AGBL4: variants seen among roughly 807,000 people sequenced by gnomAD.
AGBL4 encodes the protein AGBL carboxypeptidase 4.
A neutral mutation model predicts 66.4 loss-of-function variants in AGBL4; 58 were observed. That is an observed-to-expected ratio of 0.87 (90% CI 0.71 to 1.09). The LOEUF is 1.09. AGBL4 is among the 50% of genes least tolerant of loss of function. The pLI, the probability that AGBL4 is intolerant of heterozygous loss-of-function variation, is 0.00. For synonymous variants in AGBL4, 234 were observed against 222.9 expected (o/e 1.05, Z -0.44); for missense variants, 579 against 631.0 (o/e 0.92, Z 0.88).
chr1:49,404,384 A>C (rs2148616485), intron 3 of AGBL4, among the ~76,000 whole-genome samples: 1 of 152,280 alleles, frequency 6.6e-6, no homozygotes. Context: ...ATTTGCCACT[A>C]TCTTGATCAT....
At chr1:48,832,753 C>A (rs1286786338) in intron 6 of AGBL4, among the ~76,000 whole-genome samples, 1 of 152,094 alleles carries the variant, frequency 6.6e-6, no homozygotes, top group Non-Finnish European at 1.5e-5. Context: ...TGTGGGTGAG[C>A]CTCATTCAAT....
intron 7 of AGBL4, 71 bp downstream of exon 7, chr1:48,663,081 C>G (rs1646132887): frequency 3.4e-6 from 5 of 1,454,286 alleles, no homozygotes; most frequent in Middle Eastern, 1.7e-4. Context: ...TGTGGCCACA[C>G]TGTTCCAGAG....
intron 1 of AGBL4, among the ~76,000 whole-genome samples, chr1:49,973,194 T>G (rs1658276412): frequency 6.6e-6 from 1 of 152,132 alleles, no homozygotes; most frequent in African/African-American, 2.4e-5. Context: ...GGTTTTGCCC[T>G]TACTCACCCC....
chr1:48,806,094 G>A (rs1044263059), intron 6 of AGBL4, among the ~76,000 whole-genome samples: 4 of 151,944 alleles, frequency 2.6e-5, no homozygotes, highest in Admixed American at 1.3e-4. Flanking sequence ...TGCAATATTC[G>A]GTTCAGCAAG....
chr1:49,662,511 A>G (rs899968449), intron 3 of AGBL4, among the ~76,000 whole-genome samples: 1 of 152,074 alleles, frequency 6.6e-6, no homozygotes, highest in African/African-American at 2.4e-5. Flanking sequence ...TATACAGTGG[A>G]AAATGAAATG....
At chr1:49,101,380 G>A (rs947133793) in intron 4 of AGBL4, among the ~76,000 whole-genome samples, 1 of 152,042 alleles carries the variant, frequency 6.6e-6, no homozygotes, top group Admixed American at 6.6e-5. Context: ...TAGAGGCAAG[G>A]TTTCGCCATG....
intron 6 of AGBL4, among the ~76,000 whole-genome samples, chr1:48,781,131 A>C (rs768785275): frequency 2.0e-5 from 3 of 152,168 alleles, no homozygotes; most frequent in Non-Finnish European, 4.4e-5. Flanking sequence ...TGTCACTGTA[A>C]ATCATTCCTA....
intron 6 of AGBL4, among the ~76,000 whole-genome samples, chr1:48,683,889 C>T (rs1026662951): frequency 3.9e-5 from 6 of 152,322 alleles, no homozygotes; most frequent in African/African-American, 1.2e-4. Context: ...ATGAGGAAGA[C>T]GGCCTAAGTC....
At chr1:49,888,015 T>C (rs1448734027) in intron 1 of AGBL4, among the ~76,000 whole-genome samples, 1 of 152,178 alleles carries the variant, frequency 6.6e-6, no homozygotes, top group Non-Finnish European at 1.5e-5. Flanking sequence ...AATAAGTGTT[T>C]GTTACATAAT....
At chr1:49,450,712 T>C (rs1646260465) in intron 3 of AGBL4, among the ~76,000 whole-genome samples, 1 of 152,078 alleles carries the variant, frequency 6.6e-6, no homozygotes, top group Admixed American at 6.6e-5. Context: ...TCAATTCTTT[T>C]AGGAGAAAGA....
chr1:49,902,060 A>C (rs1293613807), intron 1 of AGBL4, among the ~76,000 whole-genome samples: 1 of 152,220 alleles, frequency 6.6e-6, no homozygotes, highest in East Asian at 1.9e-4. Context: ...AAAGACTTAA[A>C]TATAAAACCA....
rs188197476 is a variant in AGBL4, at chr1:49,658,362, G to A, written c.282+38951C>T. On this transcript the variant is annotated intron_variant, in intron 3 of 13. Transcript: ENST00000371839. ...TCATTAAAAAGTCAGGAAACAACAG[G>A]TGCTGGAGAGGATGTGGAGAAATAG... Among the ~76,000 whole-genome samples the A allele has an allele frequency of 1.1e-4, 16 of 152,270 alleles. No homozygotes were observed. The East Asian group carries it at 2.5e-3, about 24-fold the overall frequency.
At chr1:49,520,647 C>T (rs992368042) in intron 3 of AGBL4, among the ~76,000 whole-genome samples, 2 of 151,900 alleles carry the variant, frequency 1.3e-5, no homozygotes, top group Non-Finnish European at 2.9e-5. Context: ...AATCCTCATA[C>T]GAACTTCCTG....
intron 6 of AGBL4, among the ~76,000 whole-genome samples, chr1:48,769,005 G>C (rs1934394): frequency 0.19 from 28,781 of 152,114 alleles, 3,243 homozygotes; most frequent in East Asian, 0.39. Context: ...AAGACATCAG[G>C]AGACACCAAA....
intron 1 of AGBL4, among the ~76,000 whole-genome samples, chr1:50,010,171 G>C (rs1175153684): frequency 1.3e-5 from 2 of 151,984 alleles, no homozygotes; most frequent in Non-Finnish European, 2.9e-5. Flanking sequence ...GCCGGATGTG[G>C]TGGTACATGC....
rs931837858 is a variant in AGBL4, at chr1:49,948,055, T to A, written c.34+75708A>T. On this transcript the variant is annotated intron_variant, in intron 1 of 13. Transcript: ENST00000371839. ...ATATATACATATAAATATATAAATATATATATGTAAATATATGTAAATATA... is the reference window on the plus strand; with the variant it reads ...ATATATACATATAAATATATAAATAAATATATGTAAATATATGTAAATATA... Among the ~76,000 whole-genome samples the A allele has an allele frequency of 3.1e-3, 297 of 95,678 alleles. 13 individuals carry two copies. In the East Asian group the frequency reaches 0.069, roughly 22 times the overall value. 62.8% of individuals were successfully genotyped at this position (95,678 alleles called of 152,430 possible).
At chr1:48,595,530 T>C (rs1018250371) in intron 9 of AGBL4, among the ~76,000 whole-genome samples, 1 of 152,212 alleles carries the variant, frequency 6.6e-6, no homozygotes, top group Non-Finnish European at 1.5e-5. Flanking sequence ...AGGTGGGGGA[T>C]GGGGAGAGCA....
chr1:49,604,581 G>T (rs897839056), intron 3 of AGBL4, among the ~76,000 whole-genome samples: 1 of 151,980 alleles, frequency 6.6e-6, no homozygotes, highest in Non-Finnish European at 1.5e-5. Flanking sequence ...GTTCAATTAG[G>T]TCCCATTAAT....
intron 3 of AGBL4, among the ~76,000 whole-genome samples, chr1:49,425,655 A>T (rs374430779): frequency 6.6e-6 from 1 of 152,228 alleles, no homozygotes; most frequent in Non-Finnish European, 1.5e-5. Flanking sequence ...CTGCTCATAC[A>T]TATTAATTAC....
Sources: gnomAD v4.1 joint callset for allele counts (sites outside exome capture counted in the v4.1 genomes callset) on GRCh38, gnomAD v4.1.1 for gene constraint, MANE v1.5 for transcripts, NCBI Gene and HGNC (gene_info 2026-07-23, HGNC 2026-07-21) for gene names.